Variants in EYA1 observed in about 807,000 individuals in gnomAD.
EYA1 encodes the protein EYA transcriptional coactivator and phosphatase 1.
EYA1 carries 16 observed loss-of-function variants against 82.0 expected under a neutral mutation model. The ratio of observed to expected loss-of-function variants is 0.20; its 90% CI spans 0.13 to 0.30. EYA1 has a LOEUF of 0.30. Ranked by LOEUF, EYA1 falls within the 10% of genes least tolerant of loss-of-function variation. EYA1 has a pLI of 1.00. For synonymous variants in EYA1, 261 were observed against 264.4 expected (o/e 0.99, Z 0.12); for missense variants, 633 against 730.7 (o/e 0.87, Z 1.54).
chr8:71,455,492 C>A (rs1001524132), intron 2 of EYA1, among the ~76,000 whole-genome samples: 8 of 152,098 alleles, frequency 5.3e-5, no homozygotes, highest in Admixed American at 5.2e-4. Flanking sequence ...TGATGAACAT[C>A]AATGCAAAAA....
At chr8:71,327,357 C>T (rs1033357010) in intron 4 of EYA1, among the ~76,000 whole-genome samples, 1 of 152,202 alleles carries the variant, frequency 6.6e-6, no homozygotes, top group African/African-American at 2.4e-5. Context: ...CAGAAGCATT[C>T]CTGCTTCTAT....
intron 1 of EYA1, among the ~76,000 whole-genome samples, chr8:71,544,942 A>C (rs1374321481): frequency 6.6e-6 from 1 of 152,232 alleles, no homozygotes; most frequent in African/African-American, 2.4e-5. Flanking sequence ...AGCCAATGAC[A>C]GGGATATCCA....
At chr8:71,362,165 T>C (rs1326038587), upstream of EYA1, 8 of 977,202 alleles carry the variant, frequency 8.2e-6, no homozygotes, top group African/African-American at 1.8e-5. Flanking sequence ...CTTTTTTTTT[T>C]TTTTTTTTTT....
intron 2 of EYA1, among the ~76,000 whole-genome samples, chr8:71,498,370 A>G (rs1351039859): frequency 1.3e-5 from 2 of 152,218 alleles, no homozygotes; most frequent in Non-Finnish European, 1.5e-5. Flanking sequence ...CTTAAATCCA[A>G]TCACATTAGT....
At chr8:71,266,756 T>G (rs564494732) in intron 11 of EYA1, among the ~76,000 whole-genome samples, 2 of 152,326 alleles carry the variant, frequency 1.3e-5, no homozygotes, top group South Asian at 4.1e-4. Flanking sequence ...GTGGTTTCCT[T>G]GCCTGGTCCA....
chr8:71,507,408 A>T (rs1201477382), intron 2 of EYA1, among the ~76,000 whole-genome samples: 2 of 152,142 alleles, frequency 1.3e-5, no homozygotes, highest in African/African-American at 4.8e-5. Flanking sequence ...AATTTTAAAA[A>T]TTTTCTAACA....
chr8:71,455,948 GA>G (rs1211065810), intron 2 of EYA1, among the ~76,000 whole-genome samples: 1 of 152,172 alleles, frequency 6.6e-6, no homozygotes, highest in African/African-American at 2.4e-5. Context: ...ATTCAATTAG[GA>G]AAAGAGGAAG....
chr8:71,351,564 A>G (rs11987779), intron 3 of EYA1, among the ~76,000 whole-genome samples: 7,640 of 152,312 alleles, frequency 0.05, 612 homozygotes, highest in African/African-American at 0.17. Context: ...CATTCAAACA[A>G]CTATTATAAC....
intron 7 of EYA1, among the ~76,000 whole-genome samples, chr8:71,315,486 A>G (rs1055192983): frequency 6.6e-6 from 1 of 152,040 alleles, no homozygotes; most frequent in African/African-American, 2.4e-5. Flanking sequence ...TACCACGGGC[A>G]CCCTGCTAGA....
Position 71,322,241 on chromosome 8 carries a change from C to T in EYA1, c.230G>A (p.Arg77Gln), listed in dbSNP as rs770356158. The stretch of plus-strand genomic sequence containing the variant: ...TGGTGGAGAGAACTGGTGAGTTGGT[C>T]GTGGGCTGAAACTACTGCTCCCAAT... ...SAIGSSSFSPRPTHQFSPPQI... is the reference protein window; with the variant it reads ...SAIGSSSFSPQPTHQFSPPQI... The change falls in exon 5 of 18, where the codon CGA (arginine) becomes CAA (glutamine). Residue 77 changes from arginine (R) to glutamine (Q), a missense_variant. Arg to Gln is a conservative substitution (Grantham distance 43). Coordinates refer to ENST00000340726, the MANE Select transcript of EYA1 (RefSeq NM_000503.6). 11 of 1,613,756 alleles carry T rather than the reference C, an allele frequency of 6.8e-6. No homozygotes were observed. Among genetic ancestry groups the T allele is most frequent in the Non-Finnish European group, 8.5e-6 (10 of 1,179,934 alleles).
chr8:71,324,429 T>C (rs1373993504), intron 4 of EYA1, among the ~76,000 whole-genome samples: 2 of 152,188 alleles, frequency 1.3e-5, no homozygotes, highest in African/African-American at 4.8e-5. Context: ...TCCCTCTATG[T>C]CTCCATATGT....
At chr8:71,226,203 A>G (rs985529492) in intron 12 of EYA1, among the ~76,000 whole-genome samples, 2 of 135,134 alleles carry the variant, frequency 1.5e-5, no homozygotes, top group Non-Finnish European at 1.5e-5. Flanking sequence ...GCATGAACAC[A>G]TGTTTTTCAA....
Position 71,292,002 on chromosome 8 carries a change from T to C in EYA1, c.826+7045A>G, listed in dbSNP as rs796669738. The stretch of plus-strand genomic sequence containing the variant: ...AATTATTTAAATACAGCACAGTAAT[T>C]GGATTATAGATGATTGTTTAAATTT... On this transcript the variant is annotated intron_variant, in intron 9 of 17. Coordinates refer to ENST00000340726, the MANE Select transcript of EYA1 (RefSeq NM_000503.6). 4.9e-4 allele frequency among the ~76,000 whole-genome samples: 75 copies of C among 152,268 alleles called. 2 individuals are homozygous for C. Among genetic ancestry groups the C allele is most frequent in the African/African-American group, 1.7e-3 (69 of 41,578 alleles).
At chr8:71,510,919 T>G (rs1370232456) in intron 2 of EYA1, among the ~76,000 whole-genome samples, 1 of 152,208 alleles carries the variant, frequency 6.6e-6, no homozygotes, top group African/African-American at 2.4e-5. Context: ...AATATTTATT[T>G]TTTTGTTTCT....
chr8:71,329,400 T>C (rs1407831173), intron 4 of EYA1, among the ~76,000 whole-genome samples: 1 of 152,192 alleles, frequency 6.6e-6, no homozygotes, highest in Non-Finnish European at 1.5e-5. Context: ...GCCCAGCATC[T>C]TTTCACATGG....
At chr8:71,203,701 C>T (rs1041751710) in intron 17 of EYA1, among the ~76,000 whole-genome samples, 1 of 152,162 alleles carries the variant, frequency 6.6e-6, no homozygotes, top group Non-Finnish European at 1.5e-5. Flanking sequence ...GCTAACACTT[C>T]CTCAGTGCCA....
intron 2 of EYA1, among the ~76,000 whole-genome samples, chr8:71,425,588 C>T (rs1805161353): frequency 6.6e-6 from 1 of 152,152 alleles, no homozygotes; most frequent in South Asian, 2.1e-4. Flanking sequence ...TTTCCCTTAT[C>T]TAAGGAGCTT....
In EYA1 at chr8:71,216,760, A is replaced by G. The variant is rs1211420496; in HGVS notation, c.1292T>C (p.Met431Thr). 5 of 1,613,884 alleles carry G rather than the reference A, an allele frequency of 3.1e-6. No homozygotes were observed. Among genetic ancestry groups the G allele is most frequent in the Non-Finnish European group, 4.2e-6 (5 of 1,179,808 alleles). The change falls in exon 14 of 18, where the codon ATG becomes ACG. Residue 431 changes from methionine (M) to threonine (T), a missense_variant. Coordinates refer to ENST00000340726, the MANE Select transcript of EYA1 (RefSeq NM_000503.6). ...ATGVRGGVDWMRKLAFRYRRV... is the reference protein window; with the variant it reads ...ATGVRGGVDWTRKLAFRYRRV... Reference sequence around the variant, plus strand: ...TCTGTAGCGGAAGGCCAACTTTCTCATCCAGTCCACACCGCCCCGTACACC... The same window carrying G: ...TCTGTAGCGGAAGGCCAACTTTCTCGTCCAGTCCACACCGCCCCGTACACC...
Position 71,452,510 on chromosome 8 carries a change from G to C in EYA1, c.33+83234C>G, listed in dbSNP as rs983665122. On this transcript the variant is annotated intron_variant, in intron 2 of 18. Coordinates refer to the EYA1 transcript ENST00000643681. ...TGACTCCCAAGTACCCTAACTGGGA[G>C]GCACCCCCCAGTAGGGGCAGACTGA... Among the ~76,000 whole-genome samples, 21 of 152,300 alleles carry C rather than the reference G, an allele frequency of 1.4e-4. No homozygotes were observed. The East Asian group carries it at 3.3e-3, about 24-fold the overall frequency.
Sources: allele counts gnomAD v4.1 joint callset (sites outside exome capture counted in the v4.1 genomes callset), GRCh38; gene constraint gnomAD v4.1.1; transcripts MANE v1.5; gene names NCBI Gene and HGNC (gene_info 2026-07-23, HGNC 2026-07-21).